OR10J1: variants seen among roughly 807,000 people sequenced by gnomAD.
OR10J1 encodes olfactory receptor family 10 subfamily J member 1.
For synonymous variants in OR10J1, 202 were observed against 143.8 expected (o/e 1.40, Z -2.89); for missense variants, 474 against 376.6 (o/e 1.26, Z -2.14).
the OR10J1 span, among the ~76,000 whole-genome samples, chr1:159,426,985 G>T: frequency 6.6e-6 from 1 of 151,834 alleles, no homozygotes; most frequent in Admixed American, 6.6e-5. Context: ...AAATAAAATT[G>T]AAGCACAGAG....
chr1:159,402,083 A>G, the OR10J1 span, among the ~76,000 whole-genome samples: 441 of 152,216 alleles, frequency 2.9e-3, 3 homozygotes, highest in African/African-American at 1.0e-2. Context: ...AGGGGATAGA[A>G]GGACCATACC....
the OR10J1 span, among the ~76,000 whole-genome samples, chr1:159,406,822 G>A: frequency 6.6e-6 from 1 of 152,094 alleles, no homozygotes; most frequent in African/African-American, 2.4e-5. Flanking sequence ...ATTTCCATCA[G>A]TATGAATTGC....
chr1:159,407,951 G>A, the OR10J1 span, among the ~76,000 whole-genome samples: 1 of 152,074 alleles, frequency 6.6e-6, no homozygotes, highest in Non-Finnish European at 1.5e-5. Flanking sequence ...TAGAGAGTAA[G>A]GGGTGCTATG....
chr1:159,412,364 AGCCC>A, the OR10J1 span, among the ~76,000 whole-genome samples: 1 of 149,152 alleles, frequency 6.7e-6, no homozygotes, highest in Non-Finnish European at 1.5e-5. Context: ...AACCAAAAAG[AGCCC>A]GCATCGCCAA....
At chr1:159,399,805 A>G in the OR10J1 span, among the ~76,000 whole-genome samples, 2 of 152,114 alleles carry the variant, frequency 1.3e-5, no homozygotes, top group African/African-American at 4.8e-5. Context: ...AATAACTACA[A>G]CAACTTTTCA....
chr1:159,429,083 C>A, the OR10J1 span, among the ~76,000 whole-genome samples: 1 of 152,190 alleles, frequency 6.6e-6, no homozygotes, highest in African/African-American at 2.4e-5. Context: ...GGACTAAGTT[C>A]TGGAGAGAGA....
upstream of OR10J1, among the ~76,000 whole-genome samples, chr1:159,439,435 A>T (rs1460894389): frequency 1.3e-5 from 2 of 152,206 alleles, no homozygotes; most frequent in Non-Finnish European, 2.9e-5. Context: ...TGAAGGCCTG[A>T]AAATGTGCAC....
the OR10J1 span, chr1:159,405,773 C>T: frequency 3.0e-6 from 4 of 1,335,598 alleles, no homozygotes; most frequent in Non-Finnish European, 4.2e-6. Flanking sequence ...ACACTGACAA[C>T]AAAGTTGATT....
At chr1:159,400,108 A>G in the OR10J1 span, among the ~76,000 whole-genome samples, 2 of 152,120 alleles carry the variant, frequency 1.3e-5, no homozygotes, top group Non-Finnish European at 2.9e-5. Context: ...AATGAAAGAA[A>G]GAAGGAAGAG....
chr1:159,436,665 GT>G (rs1415068254), upstream of OR10J1, among the ~76,000 whole-genome samples: 20 of 146,412 alleles, frequency 1.4e-4, no homozygotes, highest in Non-Finnish European at 1.5e-5. Flanking sequence ...ATGGTTAGCG[GT>G]TTTAAAAAAA....
chr1:159,430,668 T>TGTGTGAGCGC, the OR10J1 span, among the ~76,000 whole-genome samples: 1 of 69,614 alleles, frequency 1.4e-5, no homozygotes, highest in African/African-American at 3.1e-5. Context: ...TGTGTGTGTG[T>TGTGTGAGCGC]GCGCGCGCGC....
chr1:159,438,985 C>T (rs1408244426), upstream of OR10J1, among the ~76,000 whole-genome samples: 2 of 152,114 alleles, frequency 1.3e-5, no homozygotes, highest in Non-Finnish European at 2.9e-5. Flanking sequence ...TAGGCTTACT[C>T]ACAAAGTTGT....
chr1:159,424,582 G>A, the OR10J1 span, among the ~76,000 whole-genome samples: 11 of 151,694 alleles, frequency 7.3e-5, no homozygotes, highest in East Asian at 5.8e-4. Flanking sequence ...GAGTGTGTCC[G>A]TGAAATAAAA....
At chr1:159,399,550 G>A in the OR10J1 span, among the ~76,000 whole-genome samples, 610 of 122,736 alleles carry the variant, frequency 5.0e-3, 4 homozygotes, top group African/African-American at 0.018. Flanking sequence ...CAGCCTGGGC[G>A]ATAGAGCGAG....
chr1:159,424,149 G>A, the OR10J1 span, among the ~76,000 whole-genome samples: 2 of 151,134 alleles, frequency 1.3e-5, no homozygotes, highest in African/African-American at 4.8e-5. Context: ...CCAGGAGACG[G>A]AGGTTGTATT....
At chr1:159,424,149 GA>G in the OR10J1 span, among the ~76,000 whole-genome samples, 2 of 151,018 alleles carry the variant, frequency 1.3e-5, no homozygotes, top group South Asian at 4.3e-4. Context: ...CCAGGAGACG[GA>G]GGTTGTATTG....
At chr1:159,439,697 A>C, upstream of OR10J1, 3 of 1,485,726 alleles carry the variant, frequency 2.0e-6, no homozygotes, top group South Asian at 3.7e-5. Flanking sequence ...ACTGAGAACT[A>C]TTGAACTTCA....
chr1:159,407,481 T>C, the OR10J1 span, among the ~76,000 whole-genome samples: 1 of 152,096 alleles, frequency 6.6e-6, no homozygotes, highest in Non-Finnish European at 1.5e-5. Flanking sequence ...GTGAATGCTA[T>C]ATGGTACTCT....
the OR10J1 span, among the ~76,000 whole-genome samples, chr1:159,409,051 T>C: frequency 6.6e-6 from 1 of 152,114 alleles, no homozygotes; most frequent in East Asian, 1.9e-4. Flanking sequence ...GTCCGTCATG[T>C]ACTTCCTAGT....
Sources: allele counts gnomAD v4.1 joint callset (sites outside exome capture counted in the v4.1 genomes callset), GRCh38; gene constraint gnomAD v4.1.1; transcripts MANE v1.5; gene names NCBI Gene and HGNC (gene_info 2026-07-23, HGNC 2026-07-21).